Variants in GRID2 observed in about 807,000 individuals in gnomAD.
GRID2 encodes the protein glutamate ionotropic receptor delta type subunit 2.
A neutral mutation model predicts 114.8 loss-of-function variants in GRID2; 33 were observed. That is an observed-to-expected ratio of 0.29 (90% CI 0.22 to 0.38). The LOEUF is 0.38. Ranked by LOEUF, GRID2 falls within the 10% of genes least tolerant of loss-of-function variation. GRID2 has a pLI of 1.00. For missense variants in GRID2, 1,184 were observed against 1,257.7 expected (o/e 0.94, Z 0.89); for synonymous variants, 505 against 449.9 (o/e 1.12, Z -1.55).
intron 1 of GRID2, among the ~76,000 whole-genome samples, chr4:92,311,353 A>C (rs954283891): frequency 1.3e-5 from 2 of 152,010 alleles, no homozygotes; most frequent in African/African-American, 2.4e-5. Flanking sequence ...GTTGTTCACC[A>C]AGTAGTCATC....
At chr4:92,418,229 C>T (rs561932178) in intron 1 of GRID2, among the ~76,000 whole-genome samples, 1 of 151,998 alleles carries the variant, frequency 6.6e-6, no homozygotes, top group African/African-American at 2.4e-5. Context: ...TGAGCATGTC[C>T]CCACACTCTA....
intron 1 of GRID2, among the ~76,000 whole-genome samples, chr4:92,411,553 A>G (rs1731300520): frequency 1.3e-5 from 2 of 150,586 alleles, no homozygotes; most frequent in South Asian, 2.1e-4. Context: ...CTGTATTTTC[A>G]TATGCTGTCT....
chr4:92,350,920 A>G (rs185534374), intron 1 of GRID2, among the ~76,000 whole-genome samples: 86 of 151,970 alleles, frequency 5.7e-4, no homozygotes, highest in African/African-American at 1.9e-3. Flanking sequence ...AAATGGAATC[A>G]TATAATACGT....
At chr4:92,603,973 C>G (rs983799595) in intron 2 of GRID2, among the ~76,000 whole-genome samples, 2 of 150,588 alleles carry the variant, frequency 1.3e-5, no homozygotes, top group Admixed American at 1.3e-4. Context: ...AAATGCAAAT[C>G]AAAACAACAA....
chr4:93,372,361 G>A (rs998574788), intron 8 of GRID2, among the ~76,000 whole-genome samples: 2 of 79,574 alleles, frequency 2.5e-5, no homozygotes, highest in Non-Finnish European at 4.6e-5. Context: ...TGACAGTAGG[G>A]ATTATAGTAA....
intron 4 of GRID2, among the ~76,000 whole-genome samples, chr4:93,173,888 G>T (rs181342217): frequency 6.6e-6 from 1 of 152,066 alleles, no homozygotes; most frequent in African/African-American, 2.4e-5. Flanking sequence ...GCCTTGGTGC[G>T]CTGGGATTAC....
chr4:93,184,789 G>A (rs1003668716), intron 4 of GRID2, among the ~76,000 whole-genome samples: 1 of 152,134 alleles, frequency 6.6e-6, no homozygotes, highest in African/African-American at 2.4e-5. Flanking sequence ...GGCTGAGACA[G>A]GAGAATCACT....
intron 9 of GRID2, among the ~76,000 whole-genome samples, chr4:93,404,363 T>A (rs962181881): frequency 5.3e-5 from 8 of 152,232 alleles, no homozygotes; most frequent in South Asian, 4.1e-4. Context: ...GATTGTGCAC[T>A]TTGGATGGGT....
At chr4:92,937,786 G>A (rs751520482) in intron 2 of GRID2, among the ~76,000 whole-genome samples, 4 of 146,526 alleles carry the variant, frequency 2.7e-5, no homozygotes, top group Non-Finnish European at 6.0e-5. Context: ...TGAGCCTGTA[G>A]ATTGCTTTTG....
At chr4:93,593,198 G>A (rs569556190) in intron 13 of GRID2, among the ~76,000 whole-genome samples, 122 of 148,534 alleles carry the variant, frequency 8.2e-4, no homozygotes, top group African/African-American at 2.9e-3. Context: ...GGTACCGGTT[G>A]TTCCTTTCCA....
intron 1 of GRID2, among the ~76,000 whole-genome samples, chr4:93,805,721 C>T (rs1735015876): frequency 6.6e-6 from 1 of 152,184 alleles, no homozygotes; most frequent in Non-Finnish European, 1.5e-5. Context: ...TGTTGATTTA[C>T]AGTTTTTGAT....
chr4:92,305,745 TCAGG>T (rs1284403332), intron 1 of GRID2, among the ~76,000 whole-genome samples: 1 of 152,174 alleles, frequency 6.6e-6, no homozygotes, highest in East Asian at 1.9e-4. Flanking sequence ...GCTCGCAGCT[TCAGG>T]CTCCAACTCT....
At chr4:92,531,788 T>A (rs1381061477) in intron 1 of GRID2, among the ~76,000 whole-genome samples, 1 of 151,908 alleles carries the variant, frequency 6.6e-6, no homozygotes, top group Non-Finnish European at 1.5e-5. Context: ...AATTCTCAGT[T>A]TTTTTTCTTC....
intron 2 of GRID2, among the ~76,000 whole-genome samples, chr4:92,940,919 C>G (rs1241911733): frequency 6.6e-6 from 1 of 152,100 alleles, no homozygotes; most frequent in African/African-American, 2.4e-5. Flanking sequence ...GGATGAAGCC[C>G]TCTTGATCAT....
intron 1 of GRID2, among the ~76,000 whole-genome samples, chr4:92,561,961 T>G (rs1035914329): frequency 6.6e-6 from 1 of 152,182 alleles, no homozygotes; most frequent in African/African-American, 2.4e-5. Flanking sequence ...TAAAATCACA[T>G]TATGGGAGGA....
intron 1 of GRID2, among the ~76,000 whole-genome samples, chr4:92,414,157 G>A (rs766062463): frequency 1.2e-4 from 19 of 152,154 alleles, no homozygotes; most frequent in Non-Finnish European, 2.5e-4. Flanking sequence ...GCTGCACCTT[G>A]TATCTTACTG....
chr4:92,595,368 G>A (rs1261831128), intron 2 of GRID2, among the ~76,000 whole-genome samples: 2 of 151,826 alleles, frequency 1.3e-5, no homozygotes, highest in African/African-American at 4.8e-5. Context: ...ATTGTAATAT[G>A]CAGTAATGGG....
intron 4 of GRID2, among the ~76,000 whole-genome samples, chr4:93,119,445 T>C (rs1458570387): frequency 6.6e-6 from 1 of 152,150 alleles, no homozygotes; most frequent in Non-Finnish European, 1.5e-5. Context: ...ATTTTGGCCA[T>C]GGTCTTTAGT....
intron 13 of GRID2, among the ~76,000 whole-genome samples, chr4:93,524,785 G>GTGTATA (rs1413106367): frequency 2.3e-5 from 2 of 87,376 alleles, no homozygotes; most frequent in Non-Finnish European, 4.4e-5. Flanking sequence ...GTATGTATGT[G>GTGTATA]TATATATATA....
Sources: allele counts gnomAD v4.1 joint callset (sites outside exome capture counted in the v4.1 genomes callset), GRCh38; gene constraint gnomAD v4.1.1; transcripts MANE v1.5; gene names NCBI Gene and HGNC (gene_info 2026-07-23, HGNC 2026-07-21).